Variants in SLC25A42 observed in about 807,000 individuals in gnomAD.
SLC25A42 encodes the protein solute carrier family 25 member 42, also known as mitochondrial coenzyme A transporter SLC25A42.
A neutral mutation model predicts 34.7 loss-of-function variants in SLC25A42; 19 were observed. The ratio of observed to expected loss-of-function variants is 0.55; its 90% CI spans 0.38 to 0.80. SLC25A42 has a LOEUF of 0.80. SLC25A42 is among the 30% of genes least tolerant of loss of function. The probability of loss-of-function intolerance (pLI) is 0.00; values close to 1 mark genes in which losing one functional copy is unlikely to be tolerated. For missense variants in SLC25A42, 364 were observed against 441.3 expected (o/e 0.82, Z 1.57); for synonymous variants, 205 against 191.2 (o/e 1.07, Z -0.59).
chr19:19,101,027 C>G, intron 2 of SLC25A42, among the ~76,000 whole-genome samples: 1 of 152,120 alleles, frequency 6.6e-6, no homozygotes, highest in East Asian at 1.9e-4. Flanking sequence ...GTGAGAGTCC[C>G]GTGGCCGAGT....
intron 1 of SLC25A42, among the ~76,000 whole-genome samples, chr19:19,077,372 G>A (rs917389760): frequency 1.3e-5 from 2 of 152,130 alleles, no homozygotes; most frequent in African/African-American, 4.8e-5. Context: ...CTGTTCCCCT[G>A]CTCCCAGCCC....
At chr19:19,105,845 T>G in intron 5 of SLC25A42, 118 bp downstream of exon 5, 1 of 900,718 alleles carries the variant, frequency 1.1e-6, no homozygotes, top group Non-Finnish European at 1.6e-6. Context: ...GCCTTCCCTC[T>G]TCCCACAACG....
chr19:19,073,252 G>A (rs970763800), intron 1 of SLC25A42, among the ~76,000 whole-genome samples: 15 of 152,172 alleles, frequency 9.9e-5, no homozygotes, highest in African/African-American at 3.1e-4. Context: ...GACACTGAGT[G>A]TGACATGGAC....
intron 1 of SLC25A42, among the ~76,000 whole-genome samples, chr19:19,084,930 CAAA>C (rs796897868): frequency 9.6e-5 from 9 of 94,020 alleles, no homozygotes; most frequent in Admixed American, 1.2e-4. Context: ...GACCCCATCT[CAAA>C]AAAAAAAAAA....
intron 1 of SLC25A42, among the ~76,000 whole-genome samples, chr19:19,072,009 A>AT (rs1483676296): frequency 2.0e-5 from 3 of 152,244 alleles, no homozygotes; most frequent in Non-Finnish European, 4.4e-5. Flanking sequence ...CCCAGGATGA[A>AT]TGAGGGTCTT....
At chr19:19,082,158 G>A (rs370726366) in intron 1 of SLC25A42, among the ~76,000 whole-genome samples, 5 of 152,170 alleles carry the variant, frequency 3.3e-5, no homozygotes, top group African/African-American at 1.2e-4. Flanking sequence ...AAATGTGGAG[G>A]CGTAAAGCAA....
At chr19:19,104,817 G>A (rs1365444747) in intron 3 of SLC25A42, 96 bp from the exon 4 acceptor site, 32 of 1,379,752 alleles carry the variant, frequency 2.3e-5, no homozygotes, top group Non-Finnish European at 3.0e-5. Context: ...GGGAAAAGGA[G>A]GGTGACTCTG....
chr19:19,096,347 A>G, intron 2 of SLC25A42, 142 bp downstream of exon 2: 1 of 641,352 alleles, frequency 1.6e-6, no homozygotes, highest in Non-Finnish European at 2.7e-6. Context: ...TGCTCCATGC[A>G]GCCCATCACA....
intron 3 of SLC25A42, among the ~76,000 whole-genome samples, chr19:19,102,317 G>A (rs938202589): frequency 5.9e-5 from 9 of 151,996 alleles, no homozygotes; most frequent in African/African-American, 2.2e-4. Flanking sequence ...CCAGAAATGA[G>A]GTTTTTCTCT....
intron 1 of SLC25A42, among the ~76,000 whole-genome samples, chr19:19,083,403 G>A (rs1385835497): frequency 6.6e-6 from 1 of 152,226 alleles, no homozygotes; most frequent in Non-Finnish European, 1.5e-5. Context: ...GGTTTAGGAT[G>A]CAGACATCTT....
At chr19:19,098,457 G>A (rs564293557) in intron 2 of SLC25A42, among the ~76,000 whole-genome samples, 11 of 152,310 alleles carry the variant, frequency 7.2e-5, no homozygotes, top group Admixed American at 6.5e-4. Flanking sequence ...TTAGCTGGGT[G>A]TGGTGGCACA....
At chr19:19,094,675 T>A (rs1483228429) in intron 1 of SLC25A42, among the ~76,000 whole-genome samples, 1 of 152,234 alleles carries the variant, frequency 6.6e-6, no homozygotes, top group East Asian at 1.9e-4. Context: ...CCGGCACTGA[T>A]GCCTGCTCTG....
At position 19,107,931 on chromosome 19, in the gene SLC25A42, A is replaced by T. The variant is rs779102013; in HGVS notation, c.535A>T (p.Arg179Ter). ...CTTTCATGTCTTCATCCGCATCTCG[A>T]GAGAAGAGGGGCTGAAGACTCTCTA... is the stretch of plus-strand genomic sequence containing the variant. ...NIFHVFIRIS[R>*]EEGLKTLYHG... Residue 179 changes from arginine to a stop codon, truncating the protein, a stop_gained, in exon 7 of 8, where the codon AGA (arginine) becomes TGA (stop). Transcript: ENST00000318596. LOFTEE classifies it high-confidence loss of function. 3.7e-6 allele frequency: 6 copies of T among 1,614,114 alleles called. No homozygotes were observed. Among genetic ancestry groups the T allele is most frequent in the Non-Finnish European group, 5.1e-6 (6 of 1,180,004 alleles).
At chr19:19,066,919 A>C (rs1049924170) in intron 1 of SLC25A42, among the ~76,000 whole-genome samples, 2 of 148,182 alleles carry the variant, frequency 1.3e-5, no homozygotes, top group African/African-American at 5.0e-5. Flanking sequence ...CAGGAGGCTG[A>C]GGTGGGAGGA....
chr19:19,104,823 C>A, intron 3 of SLC25A42, 90 bp from the exon 4 acceptor site: 1 of 1,439,426 alleles, frequency 6.9e-7, no homozygotes, highest in Non-Finnish European at 9.8e-7. Context: ...AGGAGGGTGA[C>A]TCTGCTAGTG....
intron 3 of SLC25A42, among the ~76,000 whole-genome samples, chr19:19,103,608 C>T (rs994401341): frequency 1.3e-5 from 2 of 152,242 alleles, no homozygotes; most frequent in African/African-American, 4.8e-5. Context: ...GGGTTAGTCA[C>T]AGGGTCCTCT....
intron 6 of SLC25A42, among the ~76,000 whole-genome samples, chr19:19,107,316 C>CAAAAAAAAAAA (rs59963919): frequency 7.6e-6 from 1 of 131,776 alleles, no homozygotes; most frequent in East Asian, 2.2e-4. Flanking sequence ...ACCCTGTCTC[C>CAAAAAAAAAAA]AAAAAAAAAA....
intron 1 of SLC25A42, among the ~76,000 whole-genome samples, chr19:19,067,806 G>A (rs941984643): frequency 6.6e-6 from 1 of 151,992 alleles, no homozygotes; most frequent in Non-Finnish European, 1.5e-5. Context: ...AATCTGTCTG[G>A]GAAGCTGTTT....
chr19:19,097,267 G>A (rs79370048), intron 2 of SLC25A42, among the ~76,000 whole-genome samples: 6,893 of 152,246 alleles, frequency 0.045, 186 homozygotes, highest in Middle Eastern at 0.11. Flanking sequence ...CAGGCCTCCC[G>A]ACCTTTCCCC....
Sources: gnomAD v4.1 joint callset for allele counts (sites outside exome capture counted in the v4.1 genomes callset) on GRCh38, gnomAD v4.1.1 for gene constraint, MANE v1.5 for transcripts, NCBI Gene and HGNC (gene_info 2026-07-23, HGNC 2026-07-21) for gene names.